The following RIMS1 variants were observed in gnomAD, a reference collection of about 807,000 sequenced individuals.
RIMS1 encodes the protein regulating synaptic membrane exocytosis 1.
Under a neutral mutation model 214.1 loss-of-function variants are expected in RIMS1, and 83 were observed. The ratio of observed to expected loss-of-function variants is 0.39; its 90% CI spans 0.32 to 0.47. The LOEUF is 0.47. Among genes scored for constraint, RIMS1 ranks in the 20% least tolerant of loss-of-function variants. The probability of loss-of-function intolerance (pLI) is 0.99; values close to 1 mark genes in which losing one functional copy is unlikely to be tolerated. For synonymous variants in RIMS1, 793 were observed against 786.8 expected, an observed-to-expected ratio of 1.01 and a Z score of -0.13; for missense variants, 2,050 against 2,161.8, an observed-to-expected ratio of 0.95 and a Z score of 1.03.
At chr6:72,164,566 T>C (rs2045993221) in intron 4 of RIMS1, among the ~76,000 whole-genome samples, 1 of 152,250 alleles carries the variant, frequency 6.6e-6, no homozygotes, top group Admixed American at 6.5e-5. Context: ...AGTTTTATTA[T>C]GATGTTCCTA....
chr6:72,394,556 A>T (rs1411233985), intron 31 of RIMS1, among the ~76,000 whole-genome samples: 1 of 152,130 alleles, frequency 6.6e-6, no homozygotes, highest in Non-Finnish European at 1.5e-5. Context: ...AGAAATAAGG[A>T]GGCAAATTCC....
chr6:72,148,525 C>T, intron 4 of RIMS1: 1 of 454,862 alleles, frequency 2.2e-6, no homozygotes, highest in South Asian at 1.6e-5. Context: ...TTGCACTCAC[C>T]TAATGCACTG....
intron 2 of RIMS1, among the ~76,000 whole-genome samples, chr6:72,045,596 T>C (rs575574856): frequency 6.6e-6 from 1 of 152,178 alleles, no homozygotes; most frequent in Admixed American, 6.5e-5. Context: ...TTTGTTATAT[T>C]GACAAATGTC....
At chr6:72,203,097 C>T (rs189745150) in intron 6 of RIMS1, among the ~76,000 whole-genome samples, 92 of 152,274 alleles carry the variant, frequency 6.0e-4, no homozygotes, top group Middle Eastern at 3.4e-3. Context: ...ACGCCATTCT[C>T]CTGCTTCAGC....
chr6:72,296,182 A>C (rs1360702341), intron 26 of RIMS1, among the ~76,000 whole-genome samples: 1 of 151,810 alleles, frequency 6.6e-6, no homozygotes, highest in African/African-American at 2.4e-5. Flanking sequence ...GTTTTTTAAA[A>C]ATTTTATTTA....
chr6:72,231,876 T>C (rs1404581412), intron 6 of RIMS1, among the ~76,000 whole-genome samples: 4 of 151,658 alleles, frequency 2.6e-5, no homozygotes, highest in Non-Finnish European at 5.9e-5. Context: ...ATTTGATTTA[T>C]AATATTAATA....
rs187167891 is a variant in RIMS1, at chr6:72,098,318, A to T, written c.459+1156A>T. Among the ~76,000 whole-genome samples, 34 of 145,874 alleles carry T rather than the reference A, an allele frequency of 2.3e-4. No individual in the cohort carries two copies. The East Asian group carries it at 5.6e-3, about 24-fold the overall frequency. On this transcript the variant is annotated intron_variant, in intron 3 of 33. Transcript: ENST00000521978. The stretch of plus-strand genomic sequence containing the variant: ...TTTTTTTTTTTTCTTTTTTTTCTTG[A>T]GACAGAGTCTTGCTCTGTCACCCAG...
chr6:72,139,717 T>C (rs2041852076), intron 4 of RIMS1, among the ~76,000 whole-genome samples: 1 of 152,140 alleles, frequency 6.6e-6, no homozygotes, highest in South Asian at 2.1e-4. Context: ...TATAGTTCTT[T>C]ATTTTTAATA....
chr6:72,100,086 A>G, intron 4 of RIMS1, 100 bp downstream of exon 4: 1 of 916,710 alleles, frequency 1.1e-6, no homozygotes, highest in East Asian at 2.5e-5. Context: ...TATATTTCAC[A>G]AGAAATTATA....
chr6:72,113,173 A>G (rs1358555333), intron 4 of RIMS1, among the ~76,000 whole-genome samples: 1 of 152,032 alleles, frequency 6.6e-6, no homozygotes, highest in East Asian at 1.9e-4. Flanking sequence ...TTCACCCCCA[A>G]TCTATCCTTG....
intron 6 of RIMS1, among the ~76,000 whole-genome samples, chr6:72,194,712 A>G (rs1206937722): frequency 6.6e-6 from 1 of 152,172 alleles, no homozygotes; most frequent in Non-Finnish European, 1.5e-5. Context: ...CTTTATAGTC[A>G]ATATAATCTT....
intron 6 of RIMS1, among the ~76,000 whole-genome samples, chr6:72,201,586 A>T (rs531542199): frequency 6.6e-6 from 1 of 152,356 alleles, no homozygotes; most frequent in African/African-American, 2.4e-5. Flanking sequence ...TTGATCAGAG[A>T]AGGAAACATG....
chr6:72,196,149 G>T (rs901628025), intron 6 of RIMS1, among the ~76,000 whole-genome samples: 3 of 152,072 alleles, frequency 2.0e-5, no homozygotes, highest in Admixed American at 6.6e-5. Flanking sequence ...TGGGAGCAAA[G>T]AATTCATTTT....
intron 2 of RIMS1, among the ~76,000 whole-genome samples, chr6:72,064,781 C>T (rs1828861189): frequency 6.6e-6 from 1 of 152,168 alleles, no homozygotes; most frequent in Admixed American, 6.5e-5. Flanking sequence ...CCCTAGGAGT[C>T]TCTTGTATAA....
In RIMS1 at chr6:72,183,079, G is replaced by A; in HGVS notation, c.1608G>A (p.Glu536=). 1 of 1,593,170 alleles carries A rather than the reference G, an allele frequency of 6.3e-7. No individual in the cohort carries two copies. Among genetic ancestry groups the A allele is most frequent in the Non-Finnish European group, 8.5e-7 (1 of 1,170,902 alleles). ...TGTCGGTGAGCAGCTCTGAGGAGGA[G>A]GGCGTGTCGACGCCCGAGTACACCA... is the stretch of plus-strand genomic sequence containing the variant. ...RQMSVSSSEE[E]GVSTPEYTSC... The change falls in exon 6 of 34, where the codon GAG becomes GAA. Residue 536 remains glutamate (E), a synonymous_variant. Coordinates refer to ENST00000521978, the MANE Select transcript of RIMS1 (RefSeq NM_014989.7).
intron 4 of RIMS1, among the ~76,000 whole-genome samples, chr6:72,100,719 G>A (rs1318234117): frequency 7.6e-6 from 1 of 132,434 alleles, no homozygotes; most frequent in Non-Finnish European, 1.7e-5. Context: ...AAACTTCCTC[G>A]CAGCTCATTA....
intron 2 of RIMS1, among the ~76,000 whole-genome samples, chr6:72,089,737 T>C (rs181493796): frequency 6.1e-5 from 9 of 147,644 alleles, no homozygotes; most frequent in Admixed American, 2.1e-4. Flanking sequence ...TATTGCGGCA[T>C]TATTCACAAT....
intron 4 of RIMS1, among the ~76,000 whole-genome samples, chr6:72,129,259 A>G (rs2153837372): frequency 6.6e-6 from 1 of 152,298 alleles, no homozygotes; most frequent in African/African-American, 2.4e-5. Context: ...ATAATATTCC[A>G]TAATTACCTC....
chr6:71,891,797 A>G (rs1769967326), intron 1 of RIMS1, among the ~76,000 whole-genome samples: 1 of 152,248 alleles, frequency 6.6e-6, no homozygotes, highest in Admixed American at 6.5e-5. Flanking sequence ...CTTGACTAAT[A>G]GAAGCATAAT....
Sources: allele counts gnomAD v4.1 joint callset (sites outside exome capture counted in the v4.1 genomes callset), GRCh38; gene constraint gnomAD v4.1.1; transcripts MANE v1.5; gene names NCBI Gene and HGNC (gene_info 2026-07-23, HGNC 2026-07-21).